HCRTR2: variants seen among roughly 807,000 people sequenced by gnomAD.
HCRTR2 encodes the protein hypocretin receptor 2, also known as orexin receptor type 2.
In HCRTR2, 22 loss-of-function variants were observed where a neutral mutation model predicts 49.0. The ratio of observed to expected loss-of-function variants is 0.45; its 90% CI spans 0.32 to 0.64. The LOEUF (loss-of-function observed/expected upper bound fraction) is 0.64, where lower values mean the gene tolerates loss of function less well. Among genes scored for constraint, HCRTR2 ranks in the 30% least tolerant of loss-of-function variants. The pLI is 0.04. For synonymous variants in HCRTR2, 236 were observed against 205.3 expected (o/e 1.15, Z -1.28); for missense variants, 491 against 559.4 (o/e 0.88, Z 1.23).
rs1474719120 is a variant in HCRTR2, at chr6:55,159,882, G to A, written c.-377-14329G>A. On this transcript the variant is annotated intron_variant, in intron 1 of 7. Coordinates refer to the HCRTR2 transcript ENST00000615358. ...TTTGATTAGTGTACCTGAAAGTGAC[G>A]GGGAGAAAGGAATCAAGTTGGAAAA... Among the ~76,000 whole-genome samples, 20 of 152,286 alleles carry A rather than the reference G, an allele frequency of 1.3e-4. No individual in the cohort carries two copies. In the East Asian group the frequency reaches 1.4e-3, roughly 10 times the overall value.
chr6:55,128,958 C>A, intron 1 of HCRTR2, among the ~76,000 whole-genome samples: 1 of 152,108 alleles, frequency 6.6e-6, no homozygotes, highest in East Asian at 1.9e-4. Flanking sequence ...CTTATTTCTG[C>A]ATCTGATACA....
At chr6:55,208,327 TAA>T (rs796836135) in intron 1 of HCRTR2, among the ~76,000 whole-genome samples, 1 of 132,094 alleles carries the variant, frequency 7.6e-6, no homozygotes, top group African/African-American at 2.8e-5. Flanking sequence ...AATAAAAAAA[TAA>T]AAAAAAAAAA....
intron 1 of HCRTR2, among the ~76,000 whole-genome samples, chr6:55,127,120 A>G (rs955189947): frequency 2.6e-5 from 4 of 151,516 alleles, no homozygotes; most frequent in African/African-American, 7.3e-5. Flanking sequence ...GGGGTATGGG[A>G]AAAAAAAATT....
intron 1 of HCRTR2, among the ~76,000 whole-genome samples, chr6:55,244,368 T>TA (rs1766391545): frequency 6.6e-6 from 1 of 151,894 alleles, no homozygotes; most frequent in Non-Finnish European, 1.5e-5. Flanking sequence ...GGATAAAACA[T>TA]ATAGGAGTAC....
At chr6:55,181,717 G>T (rs186543889) in intron 1 of HCRTR2, among the ~76,000 whole-genome samples, 1 of 152,300 alleles carries the variant, frequency 6.6e-6, no homozygotes, top group Admixed American at 6.5e-5. Context: ...CCAAGTGGTT[G>T]TGTGTCAGCT....
At chr6:55,123,507 G>A (rs1764231026) in intron 1 of HCRTR2, among the ~76,000 whole-genome samples, 1 of 152,072 alleles carries the variant, frequency 6.6e-6, no homozygotes, top group Admixed American at 6.6e-5. Flanking sequence ...GCTTTTTGAT[G>A]TGCTGCTGGA....
At chr6:55,179,343 G>A (rs1282227523) in intron 1 of HCRTR2, among the ~76,000 whole-genome samples, 2 of 152,144 alleles carry the variant, frequency 1.3e-5, no homozygotes, top group Non-Finnish European at 2.9e-5. Flanking sequence ...AATAGTGACT[G>A]TAAAAGGTAA....
intron 1 of HCRTR2, among the ~76,000 whole-genome samples, chr6:55,215,591 C>A (rs1202175124): frequency 2.0e-5 from 3 of 152,046 alleles, no homozygotes; most frequent in East Asian, 1.9e-4. Flanking sequence ...TTAAAAAAAA[C>A]CACAAGTATT....
intron 6 of HCRTR2, 151 bp downstream of exon 6, chr6:55,280,595 C>A: frequency 1.9e-6 from 2 of 1,029,586 alleles, no homozygotes; most frequent in Non-Finnish European, 2.9e-6. Context: ...TCTTTTGAGG[C>A]AAAGTATTTG....
At chr6:55,272,697 G>T in intron 4 of HCRTR2, among the ~76,000 whole-genome samples, 1 of 151,604 alleles carries the variant, frequency 6.6e-6, no homozygotes, top group Non-Finnish European at 1.5e-5. Context: ...ACTATAATAG[G>T]AATTATCCAC....
chr6:55,166,761 A>G (rs1002930730), intron 1 of HCRTR2, among the ~76,000 whole-genome samples: 2 of 152,112 alleles, frequency 1.3e-5, no homozygotes, highest in Non-Finnish European at 2.9e-5. Context: ...GAACAGTCAG[A>G]TCAGTATTAT....
At chr6:55,112,291 C>T (rs560252111) in intron 1 of HCRTR2, among the ~76,000 whole-genome samples, 13 of 151,864 alleles carry the variant, frequency 8.6e-5, no homozygotes, top group South Asian at 2.1e-4. Flanking sequence ...AAGTTTTAGC[C>T]GGAGCAATTA....
chr6:55,221,093 A>G (rs1457893633), intron 1 of HCRTR2, among the ~76,000 whole-genome samples: 1 of 152,210 alleles, frequency 6.6e-6, no homozygotes, highest in African/African-American at 2.4e-5. Flanking sequence ...TTCATGGGTT[A>G]GAAAACTCGA....
rs1208148565 is a variant in HCRTR2, at chr6:55,181,425, A to G, written c.223+6615A>G. On this transcript the variant is annotated intron_variant, in intron 1 of 6. Coordinates refer to ENST00000370862, the MANE Select transcript of HCRTR2 (RefSeq NM_001384272.1). ...AAAACTGTTCTTTCATAAACAAAAAACAAATTGCTCAAAATAAATGACTAT... is the reference window on the plus strand; with the variant it reads ...AAAACTGTTCTTTCATAAACAAAAAGCAAATTGCTCAAAATAAATGACTAT... Among the ~76,000 whole-genome samples, 3 of 152,228 alleles carry G rather than the reference A, an allele frequency of 2.0e-5. No individual in the cohort carries two copies. In the East Asian group the frequency reaches 5.8e-4, roughly 29 times the overall value.
chr6:55,282,127 T>C, intron 6 of HCRTR2, 98 bp from the exon 7 acceptor site: 1 of 819,332 alleles, frequency 1.2e-6, no homozygotes, highest in Non-Finnish European at 2.1e-6. Flanking sequence ...ACCTCATTGT[T>C]AGTTTGGCTC....
At position 55,255,336 on chromosome 6, in the gene HCRTR2, C is replaced by T. The variant is rs199945618; in HGVS notation, c.603C>T (p.Ala201=). ...GCAGCACCGTGTTCCCAGGCTTAGC[C>T]AATAAAACCACCCTCTTTACGGTGT... ...MECSTVFPGL[A]NKTTLFTVCD... The change falls in exon 3 of 7, where the codon GCC becomes GCT. Residue 201 remains alanine (A), a synonymous_variant. Transcript: ENST00000370862. The T allele has an allele frequency of 3.7e-5, 59 of 1,613,868 alleles. 1 individual carries two copies. In the Admixed American group the frequency reaches 5.5e-4, roughly 15 times the overall value.
chr6:55,200,037 A>C (rs1765483115), intron 1 of HCRTR2, among the ~76,000 whole-genome samples: 1 of 152,190 alleles, frequency 6.6e-6, no homozygotes, highest in Non-Finnish European at 1.5e-5. Context: ...CTTACTGCCC[A>C]AGTAAATATT....
chr6:55,270,402 T>C (rs1283478020), intron 4 of HCRTR2, among the ~76,000 whole-genome samples: 1 of 152,208 alleles, frequency 6.6e-6, no homozygotes, highest in African/African-American at 2.4e-5. Context: ...TCAAGCAACA[T>C]ATAGTCCATT....
At chr6:55,205,699 A>C (rs1765588477) in intron 1 of HCRTR2, among the ~76,000 whole-genome samples, 1 of 152,150 alleles carries the variant, frequency 6.6e-6, no homozygotes, top group Non-Finnish European at 1.5e-5. Context: ...TTTATACTCA[A>C]GAATAATTTC....
Sources: allele counts gnomAD v4.1 joint callset (sites outside exome capture counted in the v4.1 genomes callset), GRCh38; gene constraint gnomAD v4.1.1; transcripts MANE v1.5; gene names NCBI Gene and HGNC (gene_info 2026-07-23, HGNC 2026-07-21).